Variants in DLG2 observed in about 807,000 individuals in gnomAD.
DLG2 encodes the protein discs large MAGUK scaffold protein 2, also known as disks large homolog 2.
A neutral mutation model predicts 132.5 loss-of-function variants in DLG2; 45 were observed. The observed-to-expected ratio is 0.34, with a 90% CI of 0.27 to 0.44. The LOEUF (loss-of-function observed/expected upper bound fraction) is 0.44, where lower values mean the gene tolerates loss of function less well. Ranked by LOEUF, DLG2 falls within the 20% of genes least tolerant of loss-of-function variation. The pLI is 1.00. For synonymous variants in DLG2, 424 were observed against 419.6 expected, an observed-to-expected ratio of 1.01 and a Z score of -0.13; for missense variants, 1,045 against 1,196.9, an observed-to-expected ratio of 0.87 and a Z score of 1.87.
chr11:84,633,204 C>A (rs1053901422), intron 6 of DLG2, among the ~76,000 whole-genome samples: 5 of 152,130 alleles, frequency 3.3e-5, no homozygotes, highest in East Asian at 1.9e-4. Flanking sequence ...ATTTTTAGAA[C>A]AAAGTTCAGA....
intron 6 of DLG2, among the ~76,000 whole-genome samples, chr11:84,843,107 G>A (rs936892289): frequency 6.6e-6 from 1 of 151,952 alleles, no homozygotes; most frequent in Non-Finnish European, 1.5e-5. Flanking sequence ...ACTGAAAAAT[G>A]TGTAAAGAAG....
intron 7 of DLG2, among the ~76,000 whole-genome samples, chr11:84,362,240 A>C (rs2098653859): frequency 6.6e-6 from 1 of 152,026 alleles, no homozygotes; most frequent in Non-Finnish European, 1.5e-5. Flanking sequence ...GTTCAGTACT[A>C]GTACTCAGAA....
chr11:85,526,003 C>T (rs1035675174), intron 3 of DLG2, among the ~76,000 whole-genome samples: 1 of 152,146 alleles, frequency 6.6e-6, no homozygotes, highest in Non-Finnish European at 1.5e-5. Flanking sequence ...GAAAACAGTA[C>T]TTAAGGCTGA....
chr11:85,501,080 A>C (rs1005830309), intron 3 of DLG2, among the ~76,000 whole-genome samples: 2 of 152,154 alleles, frequency 1.3e-5, no homozygotes, highest in Non-Finnish European at 2.9e-5. Context: ...TATATAAACC[A>C]ATGGAATAGA....
intron 7 of DLG2, among the ~76,000 whole-genome samples, chr11:84,386,125 C>T (rs1025049508): frequency 1.3e-5 from 2 of 151,998 alleles, no homozygotes; most frequent in African/African-American, 2.4e-5. Context: ...TCCATGCAAG[C>T]TGTCTAGAAA....
chr11:85,483,326 T>TA (rs1019411984), intron 3 of DLG2, among the ~76,000 whole-genome samples: 10 of 152,168 alleles, frequency 6.6e-5, no homozygotes, highest in Non-Finnish European at 1.3e-4. Context: ...TGCTGAAGTG[T>TA]AAAAAATTTT....
At chr11:83,787,395 C>T (rs1368797427) in intron 17 of DLG2, among the ~76,000 whole-genome samples, 2 of 143,580 alleles carry the variant, frequency 1.4e-5, no homozygotes, top group African/African-American at 2.6e-5. Flanking sequence ...GATCTCTGCT[C>T]ACTGCAAGCT....
intron 7 of DLG2, among the ~76,000 whole-genome samples, chr11:84,268,340 T>C (rs2097671847): frequency 1.3e-5 from 2 of 152,204 alleles, no homozygotes; most frequent in South Asian, 4.1e-4. Context: ...TTGGTTTTAG[T>C]GTTTTCTTCT....
At chr11:84,704,808 C>G (rs1471315630) in intron 6 of DLG2, among the ~76,000 whole-genome samples, 1 of 150,340 alleles carries the variant, frequency 6.7e-6, no homozygotes, top group Non-Finnish European at 1.5e-5. Context: ...AGACAGAAAC[C>G]CTGATTAAAG....
At chr11:84,674,615 T>C (rs1391187074) in intron 6 of DLG2, among the ~76,000 whole-genome samples, 1 of 152,156 alleles carries the variant, frequency 6.6e-6, no homozygotes, top group Non-Finnish European at 1.5e-5. Flanking sequence ...TTGACCACTG[T>C]GACATGTTCT....
intron 3 of DLG2, among the ~76,000 whole-genome samples, chr11:85,467,070 CA>C (rs1446994572): frequency 1.3e-5 from 2 of 152,150 alleles, no homozygotes; most frequent in African/African-American, 4.8e-5. Context: ...CTCTTTGAAG[CA>C]ACTGTGAATG....
At chr11:83,968,832 T>G (rs1447906269) in intron 12 of DLG2, among the ~76,000 whole-genome samples, 1 of 152,162 alleles carries the variant, frequency 6.6e-6, no homozygotes, top group Admixed American at 6.5e-5. Context: ...CTTGCTTTCA[T>G]GAAACCCACA....
intron 9 of DLG2, among the ~76,000 whole-genome samples, chr11:84,117,898 C>G (rs1430293483): frequency 1.3e-5 from 2 of 151,950 alleles, no homozygotes; most frequent in Non-Finnish European, 2.9e-5. Flanking sequence ...TCTTGTTGCC[C>G]AGGCTGGAGT....
chr11:84,497,238 G>A (rs1387047686), intron 7 of DLG2, among the ~76,000 whole-genome samples: 2 of 152,088 alleles, frequency 1.3e-5, no homozygotes, highest in Non-Finnish European at 2.9e-5. Context: ...TGGGATTTCA[G>A]AGGAATTTAG....
chr11:84,090,622 A>T (rs995792851), intron 10 of DLG2, among the ~76,000 whole-genome samples: 1 of 152,154 alleles, frequency 6.6e-6, no homozygotes, highest in Non-Finnish European at 1.5e-5. Context: ...CACATGCAAC[A>T]CTGACAACAT....
chr11:84,428,785 C>G (rs1032970436), intron 7 of DLG2, among the ~76,000 whole-genome samples: 6 of 152,156 alleles, frequency 3.9e-5, no homozygotes, highest in African/African-American at 1.4e-4. Flanking sequence ...TGGAGATTCT[C>G]TAAATAACTG....
At chr11:84,647,270 C>G (rs1255420549) in intron 6 of DLG2, among the ~76,000 whole-genome samples, 1 of 152,096 alleles carries the variant, frequency 6.6e-6, no homozygotes, top group Non-Finnish European at 1.5e-5. Flanking sequence ...GCTCAGACAT[C>G]TTTGTGTACA....
intron 6 of DLG2, among the ~76,000 whole-genome samples, chr11:85,065,892 C>T (rs2064843380): frequency 6.6e-6 from 1 of 151,350 alleles, no homozygotes; most frequent in Non-Finnish European, 1.5e-5. Context: ...AACGATTTAA[C>T]ATCACACCTC....
rs201679328 is a variant in DLG2 at position 85,025,602 on chromosome 11, TAC to T, written c.357+86057_357+86058del. Among the ~76,000 whole-genome samples the T allele has an allele frequency of 4.8e-4, 73 of 152,336 alleles. No homozygotes were observed. In the East Asian group the frequency reaches 0.012, roughly 25 times the overall value. On this transcript the variant is annotated intron_variant, in intron 6 of 27. Coordinates refer to ENST00000376104, the MANE Select transcript of DLG2 (RefSeq NM_001142699.3). ...ATGCCTATCATCCCAATTTAATATA[TAC>T]AGTTAATGAAATTTTAATTAGAATT...
Sources: allele counts gnomAD v4.1 joint callset (sites outside exome capture counted in the v4.1 genomes callset), GRCh38; gene constraint gnomAD v4.1.1; transcripts MANE v1.5; gene names NCBI Gene and HGNC (gene_info 2026-07-23, HGNC 2026-07-21).